AKAP1: variants seen among roughly 807,000 people sequenced by gnomAD.
The protein encoded by AKAP1 is A-kinase anchor protein 1, mitochondrial.
Under a neutral mutation model 79.8 loss-of-function variants are expected in AKAP1, and 32 were observed. The observed-to-expected ratio is 0.40, with a 90% CI of 0.30 to 0.54. The LOEUF is 0.54. AKAP1 is among the 20% of genes least tolerant of loss of function. The probability of loss-of-function intolerance (pLI) is 0.47; values close to 1 mark genes in which losing one functional copy is unlikely to be tolerated. For missense variants in AKAP1, 961 were observed against 1,138.9 expected (o/e 0.84, Z 2.25); for synonymous variants, 416 against 466.7 (o/e 0.89, Z 1.40).
In AKAP1 at chr17:57,119,830, CTTTT is replaced by C. The variant is rs3054874; in HGVS notation, c.2638-403_2638-400del. Reference sequence around the variant, plus strand: ...AAGCCATGTCCCCCACCCTGTTACTCTTTTTTTTTTTTTTTTTTTTGAGACAGTC... The same window carrying C: ...AAGCCATGTCCCCCACCCTGTTACTCTTTTTTTTTTTTTTTTGAGACAGTC... On this transcript the variant is annotated intron_variant, in intron 10 of 10. Transcript: ENST00000337714. Among the ~76,000 whole-genome samples, 9 of 70,290 alleles carry C rather than the reference CTTTT, an allele frequency of 1.3e-4. 1 individual carries two copies. The highest frequency in any genetic ancestry group is 5.2e-4 in the African/African-American group (8 of 15,268). The allele number at this position is 70,290 out of a possible 152,430, so 46.1% of individuals were successfully genotyped here. A position where few individuals can be genotyped will look rare whatever the true frequency, so the allele number is the denominator to read the frequency against.
chr17:57,107,585 C>T (rs1914974479), intron 2 of AKAP1, among the ~76,000 whole-genome samples: 1 of 152,168 alleles, frequency 6.6e-6, no homozygotes, highest in Non-Finnish European at 1.5e-5. Flanking sequence ...GATCCTTCCG[C>T]CCTCGGCCTC....
intron 1 of AKAP1, among the ~76,000 whole-genome samples, chr17:57,097,870 CT>C (rs1914222091): frequency 6.6e-6 from 1 of 152,248 alleles, no homozygotes; most frequent in Non-Finnish European, 1.5e-5. Context: ...CACTTGGCTC[CT>C]AAGCTGTTGT....
intron 1 of AKAP1, among the ~76,000 whole-genome samples, chr17:57,087,137 C>T (rs1913508889): frequency 6.6e-6 from 1 of 152,214 alleles, no homozygotes; most frequent in Admixed American, 6.5e-5. Flanking sequence ...ATCCTACAGG[C>T]ATGCAAATCA....
In AKAP1 at chr17:57,116,138, C is replaced by T. The variant is rs201644252; in HGVS notation, c.2309C>T (p.Ala770Val). The part of the protein sequence containing the change: ...EITVICAAPG[A>V]DGAWWRAQVV... ...ACGGTCATCTGTGCCGCCCCTGGTG[C>T]GGACGGGGCCTGGTGGCGAGCCCAA... The change falls in exon 7 of 11, where the codon GCG (alanine) becomes GTG (valine). Residue 770 changes from alanine (A) to valine (V), a missense_variant. By Grantham distance (64) the Ala-to-Val change is moderately conservative. Around this residue, in one of 3 missense-constraint regions of AKAP1, gnomAD observed 629 missense variants for 781.1 expected, o/e 0.81. Coordinates refer to ENST00000337714, the MANE Select transcript of AKAP1 (RefSeq NM_003488.4). 17 of 1,613,678 alleles carry T rather than the reference C, an allele frequency of 1.1e-5. No individual in the cohort carries two copies. The highest frequency in any genetic ancestry group is 2.2e-5 in the East Asian group (1 of 44,876).
In AKAP1 at chr17:57,116,235, G is replaced by GA; in HGVS notation, c.2409dup (p.Val804SerfsTer10). 1.9e-6 allele frequency: 3 copies of GA among 1,614,196 alleles called. No individual in the cohort carries two copies. The highest frequency in any genetic ancestry group is 2.5e-6 in the Non-Finnish European group (3 of 1,180,042). On this transcript the variant is annotated frameshift_variant, in exon 7 of 11. Transcript: ENST00000337714. LOFTEE classifies it high-confidence loss of function. ...TGGACTACGGCGGATATAAGAGGGT[G>GA]AAAGTAGACGTGCTCCGGCAAATCA...
Position 57,114,442 on chromosome 17 carries a change from C to T in AKAP1, c.2104-17C>T, listed in dbSNP as rs1302420350. 6.2e-7 allele frequency: 1 copy of T among 1,611,430 alleles called. No homozygotes were observed. The highest frequency in any genetic ancestry group is 1.1e-5 in the South Asian group (1 of 90,996). ...AGAAGGATTGTTTCAGTGACCGCTCCCCCTTCCCCTCTACAGCTCATGCTG... is the reference window on the plus strand; with the variant it reads ...AGAAGGATTGTTTCAGTGACCGCTCTCCCTTCCCCTCTACAGCTCATGCTG... On this transcript the variant is annotated splice_polypyrimidine_tract_variant and intron_variant, in intron 5 of 10. Coordinates refer to ENST00000337714, the MANE Select transcript of AKAP1 (RefSeq NM_003488.4).
Position 57,110,106 on chromosome 17 carries a change from G to A in AKAP1, c.1796G>A (p.Gly599Asp), listed in dbSNP as rs1383233805. Residue 599 changes from glycine (G) to aspartate (D), a missense_variant, in exon 3 of 11, where the codon GGC becomes GAC. Around this residue, in one of 3 missense-constraint regions of AKAP1, gnomAD observed 629 missense variants for 781.1 expected, o/e 0.81. Coordinates refer to ENST00000337714, the MANE Select transcript of AKAP1 (RefSeq NM_003488.4). ...KTESFQNAQA[G>D]SNPKKVDLII... ...GAGAGCTTCCAAAATGCCCAGGCAGGCTCCAACCCTAAGAAGGTCGACCTC... is the reference window on the plus strand; with the variant it reads ...GAGAGCTTCCAAAATGCCCAGGCAGACTCCAACCCTAAGAAGGTCGACCTC... 1 of 1,614,170 alleles carries A rather than the reference G, an allele frequency of 6.2e-7. No individual in the cohort carries two copies. The highest frequency in any genetic ancestry group is 8.5e-7 in the Non-Finnish European group (1 of 1,180,030).
chr17:57,096,323 C>CA (rs1274813067), intron 1 of AKAP1: 24 of 152,368 alleles, frequency 1.6e-4, no homozygotes, highest in African/African-American at 5.8e-4. Context: ...AGCAGGTACT[C>CA]AGACACTACT....
chr17:57,118,574 A>T lies in AKAP1; in HGVS notation c.2574+120A>T, dbSNP rs1458804959. On this transcript the variant is annotated intron_variant, in intron 9 of 10. Coordinates refer to ENST00000337714, the MANE Select transcript of AKAP1 (RefSeq NM_003488.4). The stretch of plus-strand genomic sequence containing the variant: ...ACCAGCAGTATTTAAGGAAAGGTGC[A>T]TGAAGTAGCTAATACTTGATATTAG... 6 of 944,756 alleles carry T rather than the reference A, an allele frequency of 6.4e-6. No individual in the cohort carries two copies. In the Admixed American group the frequency reaches 8.4e-5, roughly 13 times the overall value. The allele number at this position is 944,756 out of a possible 1,614,324, so 58.5% of individuals were successfully genotyped here. A position where few individuals can be genotyped will look rare whatever the true frequency, so the allele number is the denominator to read the frequency against.
intron 1 of AKAP1, among the ~76,000 whole-genome samples, chr17:57,088,834 G>A (rs904503619): frequency 2.0e-5 from 3 of 152,102 alleles, no homozygotes; most frequent in Non-Finnish European, 4.4e-5. Flanking sequence ...TTGTTTTTCC[G>A]GCTTGGTTTG....
At chr17:57,115,243 G>T (rs2144770967) in intron 6 of AKAP1, among the ~76,000 whole-genome samples, 1 of 152,260 alleles carries the variant, frequency 6.6e-6, no homozygotes, top group South Asian at 2.1e-4. Flanking sequence ...CCTCACCAGG[G>T]GATGGCAGGG....
Position 57,115,548 on chromosome 17 carries a change from G to A in AKAP1, c.2282-563G>A, listed in dbSNP as rs566239641. On this transcript the variant is annotated intron_variant, in intron 6 of 10. Transcript: ENST00000337714. ...TCTCGTCTGCCTCTGACCCACAGTG[G>A]GTTAGTGACTCCTTGATCCTGGGTG... Among the ~76,000 whole-genome samples the A allele has an allele frequency of 4.6e-5, 7 of 152,244 alleles. No individual in the cohort carries two copies. In the East Asian group the frequency reaches 1.2e-3, roughly 25 times the overall value.
Position 57,120,552 on chromosome 17 carries a change from T to C in AKAP1, c.*228T>C. The C allele has an allele frequency of 2.5e-6, 1 of 400,590 alleles. No individual in the cohort carries two copies. The highest frequency in any genetic ancestry group is 2.1e-5 in the African/African-American group (1 of 47,966). 24.8% of individuals were successfully genotyped at this position (400,590 alleles called of 1,614,324 possible). A position where few individuals can be genotyped will look rare whatever the true frequency, so the allele number is the denominator to read the frequency against. On this transcript the variant is annotated 3_prime_UTR_variant, in exon 11 of 11. Transcript: ENST00000337714. ...AGTGTTTAACAAGCCAGCTGGCTTA[T>C]GCTGGTTCTCAGCTGTTTAAAAAAA... is the stretch of plus-strand genomic sequence containing the variant.
chr17:57,094,177 T>C (rs1398795181), intron 1 of AKAP1: 1 of 152,256 alleles, frequency 6.6e-6, no homozygotes, highest in Non-Finnish European at 1.5e-5. Flanking sequence ...TGGCTCTCAC[T>C]GTGGCTCCAC....
rs1024004419 is a variant in AKAP1, at chr17:57,110,132, A to G, written c.1822A>G (p.Ile608Val). 1 of 1,614,048 alleles carries G rather than the reference A, an allele frequency of 6.2e-7. No individual in the cohort carries two copies. Among genetic ancestry groups the G allele is most frequent in the Non-Finnish European group, 8.5e-7 (1 of 1,179,968 alleles). ...AGSNPKKVDL[I>V]IWEIEVPKHL... The stretch of plus-strand genomic sequence containing the variant: ...CTCCAACCCTAAGAAGGTCGACCTC[A>G]TCATCTGGGAGATCGAGGTGCCAAA... The change falls in exon 3 of 11, where the codon ATC becomes GTC. Residue 608 changes from isoleucine to valine, a missense_variant. Around this residue, in one of 3 missense-constraint regions of AKAP1, gnomAD observed 629 missense variants for 781.1 expected, o/e 0.81. Coordinates refer to ENST00000337714, the MANE Select transcript of AKAP1 (RefSeq NM_003488.4).
chr17:57,105,454 A>C lies in AKAP1; in HGVS notation c.-11A>C. 1.2e-6 allele frequency: 2 copies of C among 1,613,850 alleles called. No individual in the cohort carries two copies. The highest frequency in any genetic ancestry group is 2.2e-5 in the South Asian group (2 of 91,042). On this transcript the variant is annotated 5_prime_UTR_variant, in exon 2 of 11. Transcript: ENST00000337714. ...TGCTCTCCCCAGGTGTAATTACTTC[A>C]AGCCTCCAGGATGGCAATCCAGTTC...
Position 57,105,914 on chromosome 17 carries a change from A to G in AKAP1, c.450A>G (p.Ser150=), listed in dbSNP as rs1282845510. The G allele has an allele frequency of 1.2e-6, 2 of 1,614,068 alleles. No homozygotes were observed. Among genetic ancestry groups the G allele is most frequent in the East Asian group, 4.5e-5 (2 of 44,892 alleles). The stretch of plus-strand genomic sequence containing the variant: ...CGATTCCTCTAGAGTGCCCCCTTTC[A>G]TCCCCAAAGGGTGTACTATTCTCCA... The part of the protein sequence containing the change: ...AKSIPLECPL[S]SPKGVLFSSK... The change falls in exon 2 of 11, where the codon TCA becomes TCG. Residue 150 remains serine (S), a synonymous_variant. Transcript: ENST00000337714.
Position 57,120,570 on chromosome 17 carries a change from T to TAA in AKAP1, c.*262_*263dup, listed in dbSNP as rs5821162. On this transcript the variant is annotated 3_prime_UTR_variant, in exon 11 of 11. Coordinates refer to ENST00000337714, the MANE Select transcript of AKAP1 (RefSeq NM_003488.4). The stretch of plus-strand genomic sequence containing the variant: ...TGGCTTATGCTGGTTCTCAGCTGTT[T>TAA]AAAAAAAAAAAAAAAAAGGAATAGA... 800 of 220,900 alleles carry TAA rather than the reference T, an allele frequency of 3.6e-3. No individual in the cohort carries two copies. Among genetic ancestry groups the TAA allele is most frequent in the East Asian group, 9.6e-3 (109 of 11,324 alleles). The allele number at this position is 220,900 out of a possible 1,614,324, so 13.7% of individuals were successfully genotyped here. A position where few individuals can be genotyped will look rare whatever the true frequency, so the allele number is the denominator to read the frequency against.
intron 5 of AKAP1, among the ~76,000 whole-genome samples, chr17:57,113,867 T>C (rs1360141731): frequency 6.6e-6 from 1 of 151,932 alleles, no homozygotes; most frequent in Admixed American, 6.6e-5. Flanking sequence ...GGAGAGCAAA[T>C]AGGAAGCAGA....
Sources: allele counts gnomAD v4.1 joint callset (sites outside exome capture counted in the v4.1 genomes callset), GRCh38; gene constraint gnomAD v4.1.1; regional missense constraint gnomAD v4.1.1; transcripts MANE v1.5; gene names NCBI Gene and HGNC (gene_info 2026-07-23, HGNC 2026-07-21).